The following SGCZ variants were observed in gnomAD, a reference collection of about 807,000 sequenced individuals.
SGCZ encodes sarcoglycan zeta.
A neutral mutation model predicts 41.3 loss-of-function variants in SGCZ; 40 were observed. That is an observed-to-expected ratio of 0.97 (90% CI 0.75 to 1.26). The LOEUF (loss-of-function observed/expected upper bound fraction) is 1.26. Ranked by LOEUF, SGCZ falls within the 50% of genes most tolerant of loss-of-function variation. The pLI is 0.00. For missense variants in SGCZ, 552 were observed against 369.8 expected, an observed-to-expected ratio of 1.49 and a Z score of -4.04; for synonymous variants, 206 against 137.5, an observed-to-expected ratio of 1.50 and a Z score of -3.49.
At chr8:14,700,396 GGGAGCTAAAC>G (rs1403332096) in intron 1 of SGCZ, among the ~76,000 whole-genome samples, 1 of 151,904 alleles carries the variant, frequency 6.6e-6, no homozygotes, top group African/African-American at 2.4e-5. Context: ...TATTATAAAT[GGGAGCTAAAC>G]ATTGAGTACA....
chr8:14,690,014 A>C (rs1256022351), intron 1 of SGCZ, among the ~76,000 whole-genome samples: 1 of 152,226 alleles, frequency 6.6e-6, no homozygotes, highest in Non-Finnish European at 1.5e-5. Flanking sequence ...AGCAATGGTG[A>C]ATTCTTACTT....
At chr8:15,186,779 T>G (rs766386403) in intron 1 of SGCZ, among the ~76,000 whole-genome samples, 5 of 152,202 alleles carry the variant, frequency 3.3e-5, no homozygotes, top group African/African-American at 7.2e-5. Context: ...TCGCCTATAA[T>G]TAGTGAGACA....
intron 2 of SGCZ, among the ~76,000 whole-genome samples, chr8:14,387,477 T>C (rs948805096): frequency 6.6e-6 from 1 of 152,230 alleles, no homozygotes; most frequent in Non-Finnish European, 1.5e-5. Flanking sequence ...CAGTTTAAAG[T>C]GTTCACATTC....
chr8:14,774,254 T>C (rs2130407433), intron 1 of SGCZ, among the ~76,000 whole-genome samples: 1 of 152,328 alleles, frequency 6.6e-6, no homozygotes, highest in Non-Finnish European at 1.5e-5. Context: ...TTGTCTCTTC[T>C]CTAAGACTCC....
chr8:14,843,954 A>G (rs1018296237), intron 1 of SGCZ, among the ~76,000 whole-genome samples: 1 of 151,840 alleles, frequency 6.6e-6, no homozygotes, highest in Admixed American at 6.6e-5. Flanking sequence ...GGAAGGAAAG[A>G]AGATTTGATA....
chr8:14,101,362 T>A (rs1802014984), intron 7 of SGCZ, among the ~76,000 whole-genome samples: 1 of 151,286 alleles, frequency 6.6e-6, no homozygotes, highest in Admixed American at 6.6e-5. Flanking sequence ...CATAGAAAAT[T>A]GGGAAAAGAC....
At chr8:14,209,904 T>C (rs74869143) in intron 4 of SGCZ, among the ~76,000 whole-genome samples, 18,721 of 152,166 alleles carry the variant, frequency 0.12, 1,269 homozygotes, top group African/African-American at 0.14. Context: ...TCTTATGAAT[T>C]AGTTAAAATA....
intron 1 of SGCZ, among the ~76,000 whole-genome samples, chr8:15,008,238 G>A (rs1420104293): frequency 6.6e-6 from 1 of 151,856 alleles, no homozygotes; most frequent in Non-Finnish European, 1.5e-5. Context: ...TATCTACTCT[G>A]GAAATCCCTC....
intron 2 of SGCZ, among the ~76,000 whole-genome samples, chr8:14,444,639 A>G (rs867273193): frequency 8.5e-5 from 12 of 141,602 alleles, no homozygotes; most frequent in Admixed American, 6.8e-4. Flanking sequence ...AGGAAGGGGA[A>G]CATCACACTA....
At chr8:14,271,807 G>C (rs894884945) in intron 3 of SGCZ, among the ~76,000 whole-genome samples, 1 of 152,002 alleles carries the variant, frequency 6.6e-6, no homozygotes, top group Non-Finnish European at 1.5e-5. Context: ...AGGCATTTTT[G>C]CTTTGTAGAA....
At chr8:14,262,975 C>T (rs868348124) in intron 3 of SGCZ, among the ~76,000 whole-genome samples, 1 of 152,104 alleles carries the variant, frequency 6.6e-6, no homozygotes, top group African/African-American at 2.4e-5. Flanking sequence ...CGAACACTTG[C>T]CTGCATTTGT....
chr8:15,152,101 C>T (rs1175025011), intron 1 of SGCZ, among the ~76,000 whole-genome samples: 1 of 152,056 alleles, frequency 6.6e-6, no homozygotes, highest in Non-Finnish European at 1.5e-5. Context: ...AATCACTTTT[C>T]TGGATTTTGT....
At chr8:14,750,756 T>C (rs1799474479) in intron 1 of SGCZ, among the ~76,000 whole-genome samples, 1 of 152,234 alleles carries the variant, frequency 6.6e-6, no homozygotes, top group Admixed American at 6.5e-5. Context: ...CTAATCAAGT[T>C]GGCTTCGTTT....
chr8:14,352,448 G>A (rs1208316537), intron 2 of SGCZ, among the ~76,000 whole-genome samples: 2 of 152,038 alleles, frequency 1.3e-5, no homozygotes, highest in Admixed American at 1.3e-4. Flanking sequence ...TTTTATAAAA[G>A]CCAAGAAAAT....
At chr8:14,486,401 A>G (rs542427431) in intron 2 of SGCZ, among the ~76,000 whole-genome samples, 1 of 152,328 alleles carries the variant, frequency 6.6e-6, no homozygotes, top group African/African-American at 2.4e-5. Flanking sequence ...GTTACTCAAG[A>G]GAGAAATACA....
intron 1 of SGCZ, among the ~76,000 whole-genome samples, chr8:15,140,824 T>C (rs556736848): frequency 2.6e-5 from 4 of 152,280 alleles, no homozygotes; most frequent in African/African-American, 9.6e-5. Flanking sequence ...ATTTCTATCT[T>C]CTCATGAGAA....
chr8:14,123,722 G>C (rs1279073384), intron 5 of SGCZ, among the ~76,000 whole-genome samples: 1 of 152,124 alleles, frequency 6.6e-6, no homozygotes, highest in African/African-American at 2.4e-5. Flanking sequence ...AATTAGAATG[G>C]TAGACATAAT....
intron 1 of SGCZ, among the ~76,000 whole-genome samples, chr8:15,057,978 C>T (rs1212150807): frequency 6.6e-6 from 1 of 152,128 alleles, no homozygotes; most frequent in Non-Finnish European, 1.5e-5. Flanking sequence ...TCCGGTGCAG[C>T]AAGCTGAATT....
chr8:14,225,877 T>A (rs1806354952), intron 4 of SGCZ, among the ~76,000 whole-genome samples: 1 of 152,122 alleles, frequency 6.6e-6, no homozygotes, highest in Non-Finnish European at 1.5e-5. Flanking sequence ...AATGAGAATC[T>A]TTGCGACCGA....
Sources: gnomAD v4.1 joint callset for allele counts (sites outside exome capture counted in the v4.1 genomes callset) on GRCh38, gnomAD v4.1.1 for gene constraint, MANE v1.5 for transcripts, NCBI Gene and HGNC (gene_info 2026-07-23, HGNC 2026-07-21) for gene names.